Variants in KATNIP observed in about 807,000 individuals in gnomAD.
The protein encoded by KATNIP is katanin-interacting protein.
A neutral mutation model predicts 174.0 loss-of-function variants in KATNIP; 126 were observed. The observed-to-expected ratio is 0.72, with a 90% CI of 0.63 to 0.84. The LOEUF is 0.84. Among genes scored for constraint, KATNIP ranks in the 40% least tolerant of loss-of-function variants. KATNIP has a pLI of 0.00. For missense variants in KATNIP, 1,958 were observed against 2,109.7 expected, an observed-to-expected ratio of 0.93 and a Z score of 1.41; for synonymous variants, 810 against 835.7, an observed-to-expected ratio of 0.97 and a Z score of 0.53.
At chr16:27,731,332 C>A (rs2080673611) in intron 14 of KATNIP, among the ~76,000 whole-genome samples, 2 of 152,220 alleles carry the variant, frequency 1.3e-5, no homozygotes, top group Admixed American at 1.3e-4. Flanking sequence ...CCAGGCCAAC[C>A]TTGAGCAGCC....
At chr16:27,598,243 C>CAA (rs10635648) in intron 2 of KATNIP, among the ~76,000 whole-genome samples, 109,285 of 142,402 alleles carry the variant, frequency 0.77, 42,471 homozygotes, top group South Asian at 0.9. Context: ...GACTCCATCT[C>CAA]AAAAAAAAAA....
intron 8 of KATNIP, among the ~76,000 whole-genome samples, chr16:27,690,808 C>A (rs2078703392): frequency 6.6e-6 from 1 of 152,174 alleles, no homozygotes; most frequent in Admixed American, 6.5e-5. Flanking sequence ...GAAACTGGAG[C>A]ATTTCAGCCC....
rs114469858 is a variant in KATNIP, at chr16:27,683,529, A to G, written c.940+1999A>G. ...GGAGGCAACCCCTGTCGGCATGTCA[A>G]GGTTCCTGCAGCCAATAGCGTCACA... On this transcript the variant is annotated intron_variant, in intron 8 of 27. Transcript: ENST00000261588. Among the ~76,000 whole-genome samples the G allele has an allele frequency of 4.8e-3, 725 of 152,294 alleles. 5 individuals carry two copies. The highest frequency in any genetic ancestry group is 0.016 in the African/African-American group (682 of 41,570).
intron 5 of KATNIP, among the ~76,000 whole-genome samples, chr16:27,633,249 G>C (rs1311868986): frequency 1.3e-5 from 2 of 152,020 alleles, no homozygotes; most frequent in African/African-American, 2.4e-5. Context: ...TTATTTCTCA[G>C]CCCTGACTGT....
intron 13 of KATNIP, among the ~76,000 whole-genome samples, chr16:27,715,769 A>G (rs1168424647): frequency 6.6e-6 from 1 of 152,202 alleles, no homozygotes; most frequent in East Asian, 1.9e-4. Flanking sequence ...GACAGCTGTA[A>G]TTTTAAAAAA....
At chr16:27,761,834 C>T (rs2144038111) in intron 19 of KATNIP, among the ~76,000 whole-genome samples, 1 of 152,308 alleles carries the variant, frequency 6.6e-6, no homozygotes, top group East Asian at 1.9e-4. Flanking sequence ...AGGCGGGTTC[C>T]CATGCTTCCA....
At chr16:27,590,696 A>G (rs1156347965) in intron 2 of KATNIP, among the ~76,000 whole-genome samples, 5 of 152,192 alleles carry the variant, frequency 3.3e-5, no homozygotes, top group African/African-American at 4.8e-5. Context: ...CTCTCCATCA[A>G]TCTCTTTGAC....
chr16:27,654,813 A>G (rs2077217690), intron 6 of KATNIP: 1 of 1,283,396 alleles, frequency 7.8e-7, no homozygotes. Context: ...GCCTGCCTTA[A>G]GATGGACTCC....
chr16:27,606,040 G>T (rs2075692713), intron 2 of KATNIP, among the ~76,000 whole-genome samples: 3 of 152,180 alleles, frequency 2.0e-5, no homozygotes, highest in African/African-American at 7.2e-5. Context: ...TGAGGCAGGA[G>T]GATTGCTTGA....
At chr16:27,662,227 C>G (rs1028404101) in intron 6 of KATNIP, among the ~76,000 whole-genome samples, 8 of 150,902 alleles carry the variant, frequency 5.3e-5, no homozygotes, top group Non-Finnish European at 2.9e-5. Flanking sequence ...AGCCACCATG[C>G]CCAGCCTAAT....
chr16:27,737,596 C>T (rs1597337825), intron 14 of KATNIP, among the ~76,000 whole-genome samples: 1 of 151,958 alleles, frequency 6.6e-6, no homozygotes, highest in African/African-American at 2.4e-5. Context: ...GCAGCCTAGT[C>T]GTTCAAAGTG....
chr16:27,692,916 G>C (rs2078785891), intron 8 of KATNIP, among the ~76,000 whole-genome samples: 1 of 152,178 alleles, frequency 6.6e-6, no homozygotes, highest in Non-Finnish European at 1.5e-5. Flanking sequence ...TTGACTTTGT[G>C]GATAACTCAT....
At position 27,580,989 on chromosome 16, in the gene KATNIP, T is replaced by G. The variant is rs139969652; in HGVS notation, c.63+7033T>G. On this transcript the variant is annotated intron_variant, in intron 2 of 27. Transcript: ENST00000261588. ...TTGTTATCCCACCAGCTACTTGGGA[T>G]GCTGAGGTGGGTGGCTCACTTGACC... is the stretch of plus-strand genomic sequence containing the variant. 3.2e-4 allele frequency among the ~76,000 whole-genome samples: 48 copies of G among 152,298 alleles called. 1 individual carries two copies. Among genetic ancestry groups the G allele is most frequent in the African/African-American group, 8.7e-4 (36 of 41,570 alleles).
intron 2 of KATNIP, among the ~76,000 whole-genome samples, chr16:27,581,593 T>G (rs1196138839): frequency 6.6e-6 from 1 of 152,206 alleles, no homozygotes; most frequent in Non-Finnish European, 1.5e-5. Context: ...CACCTTGATT[T>G]CTTTTGTTTT....
chr16:27,652,805 CAAA>C (rs55843823), intron 6 of KATNIP, among the ~76,000 whole-genome samples: 10 of 120,820 alleles, frequency 8.3e-5, no homozygotes, highest in African/African-American at 6.2e-5. Flanking sequence ...AACTCCATCT[CAAA>C]AAAAAAAAAA....
At chr16:27,573,763 T>A in intron 1 of KATNIP, 138 bp from the exon 2 acceptor site, 1 of 755,452 alleles carries the variant, frequency 1.3e-6, no homozygotes, top group Non-Finnish European at 2.2e-6. Context: ...CCCATTATAA[T>A]AATAGGCTGC....
chr16:27,638,020 C>A (rs1232234070), intron 5 of KATNIP, among the ~76,000 whole-genome samples: 1 of 152,170 alleles, frequency 6.6e-6, no homozygotes, highest in Non-Finnish European at 1.5e-5. Context: ...TTCCCCTGAT[C>A]CATCGTGCCT....
intron 1 of KATNIP, among the ~76,000 whole-genome samples, chr16:27,551,923 C>T (rs144668516): frequency 6.6e-6 from 1 of 151,696 alleles, no homozygotes; most frequent in African/African-American, 2.4e-5. Flanking sequence ...TAATAATTGG[C>T]CATGTGCAGT....
Position 27,696,786 on chromosome 16 carries a change from TG to T in KATNIP, c.941-1540del, listed in dbSNP as rs373053007. ...TCTTGTTGCCCTGGCCGGAGTGCAA[TG>T]GTGCGATCTCGGCTCACTACAACCT... is the stretch of plus-strand genomic sequence containing the variant. On this transcript the variant is annotated intron_variant, in intron 8 of 27. Coordinates refer to ENST00000261588, the MANE Select transcript of KATNIP (RefSeq NM_015202.5). Among the ~76,000 whole-genome samples, 4 of 151,736 alleles carry T rather than the reference TG, an allele frequency of 2.6e-5. No homozygotes were observed. In the East Asian group the frequency reaches 7.7e-4, roughly 29 times the overall value.
Sources: gnomAD v4.1 joint callset for allele counts (sites outside exome capture counted in the v4.1 genomes callset) on GRCh38, gnomAD v4.1.1 for gene constraint, MANE v1.5 for transcripts, NCBI Gene and HGNC (gene_info 2026-07-23, HGNC 2026-07-21) for gene names.